ELF5: variants seen among roughly 807,000 people sequenced by gnomAD.
The protein encoded by ELF5 is ETS-related transcription factor Elf-5.
In ELF5, 31 loss-of-function variants were observed where a neutral mutation model predicts 38.2. The observed-to-expected ratio is 0.81, with a 90% CI of 0.61 to 1.10. ELF5 has a LOEUF of 1.10. Among genes scored for constraint, ELF5 ranks in the 50% least tolerant of loss-of-function variants. The pLI is 0.00. For synonymous variants in ELF5, 121 were observed against 112.5 expected, an observed-to-expected ratio of 1.08 and a Z score of -0.48; for missense variants, 300 against 306.6, an observed-to-expected ratio of 0.98 and a Z score of 0.16.
intron 3 of ELF5, 112 bp downstream of exon 3, chr11:34,493,367 T>A (rs1850226203): frequency 1.0e-6 from 1 of 1,003,486 alleles, no homozygotes; most frequent in African/African-American, 1.6e-5. Context: ...TAACGAGAAC[T>A]CCAGTTAGTA....
intron 2 of ELF5, among the ~76,000 whole-genome samples, chr11:34,500,132 A>G (rs527629060): frequency 1.1e-4 from 16 of 152,310 alleles, no homozygotes; most frequent in Middle Eastern, 3.4e-3. Context: ...CTGAGGAAAA[A>G]CTACAGTAAA....
At chr11:34,489,979 G>T in intron 4 of ELF5, 30 bp downstream of exon 4, 1 of 1,613,244 alleles carries the variant, frequency 6.2e-7, no homozygotes, top group Non-Finnish European at 8.5e-7. Context: ...CCTTGACAGA[G>T]CCTTGGGTGG....
intron 5 of ELF5, among the ~76,000 whole-genome samples, chr11:34,481,795 A>G (rs1856948879): frequency 6.6e-6 from 1 of 152,166 alleles, no homozygotes; most frequent in Non-Finnish European, 1.5e-5. Context: ...TATAACCATA[A>G]ACTTTTAGGG....
chr11:34,501,692 A>G (rs1042380247), intron 2 of ELF5, among the ~76,000 whole-genome samples: 1 of 152,062 alleles, frequency 6.6e-6, no homozygotes, highest in Non-Finnish European at 1.5e-5. Flanking sequence ...GTATTTTGCA[A>G]TCTGGACTGT....
At chr11:34,494,417 T>A (rs1850264207) in intron 2 of ELF5, among the ~76,000 whole-genome samples, 1 of 152,218 alleles carries the variant, frequency 6.6e-6, no homozygotes, top group Non-Finnish European at 1.5e-5. Context: ...AGTCCTTGCG[T>A]CACCATAGTA....
At chr11:34,504,412 T>C (rs377301863) in intron 2 of ELF5, among the ~76,000 whole-genome samples, 2 of 152,118 alleles carry the variant, frequency 1.3e-5, no homozygotes, top group South Asian at 4.2e-4. Flanking sequence ...TGTGTGTGTG[T>C]GCACGCGTGT....
intron 4 of ELF5, among the ~76,000 whole-genome samples, chr11:34,486,560 A>G (rs1850001423): frequency 6.6e-6 from 1 of 152,222 alleles, no homozygotes; most frequent in Non-Finnish European, 1.5e-5. Context: ...ATGTGTGCCT[A>G]TGTGAATATG....
In ELF5 at chr11:34,491,583, T is replaced by G. The variant is rs567008443; in HGVS notation, c.356-1524A>C. The G allele has an allele frequency of 5.9e-5, 9 of 151,858 alleles. No homozygotes were observed. In the East Asian group the frequency reaches 1.5e-3, roughly 26 times the overall value. 9.4% of individuals were successfully genotyped at this position (151,858 alleles called of 1,614,324 possible). A position where few individuals can be genotyped will look rare whatever the true frequency, so the allele number is the denominator to read the frequency against. On this transcript the variant is annotated intron_variant, in intron 3 of 6. Transcript: ENST00000257832. ...TAATAAAACCAGGGACAGGTTTGTT[T>G]TTTTTTTTTTTTTCAGGATTTTGCT... is the stretch of plus-strand genomic sequence containing the variant.
chr11:34,504,981 C>T (rs1405317023), intron 2 of ELF5, among the ~76,000 whole-genome samples: 1 of 152,142 alleles, frequency 6.6e-6, no homozygotes, highest in African/African-American at 2.4e-5. Flanking sequence ...TAGTAGCTCT[C>T]ATCACCCCTG....
chr11:34,488,373 G>GAC (rs1850065571), intron 4 of ELF5, among the ~76,000 whole-genome samples: 2 of 152,208 alleles, frequency 1.3e-5, no homozygotes, highest in African/African-American at 4.8e-5. Flanking sequence ...TTTAGATTTA[G>GAC]ACACACCTGG....
intron 5 of ELF5, among the ~76,000 whole-genome samples, chr11:34,481,984 C>T (rs1324672123): frequency 7.2e-5 from 11 of 152,284 alleles, no homozygotes; most frequent in Admixed American, 5.2e-4. Flanking sequence ...TCTCTTAGTG[C>T]TGGGGAAGCT....
intron 2 of ELF5, among the ~76,000 whole-genome samples, chr11:34,496,253 C>T (rs867913278): frequency 1.3e-5 from 2 of 152,220 alleles, no homozygotes; most frequent in African/African-American, 4.8e-5. Context: ...ACCCACAGAG[C>T]GGCTTTGTGT....
chr11:34,490,178 AT>A, intron 3 of ELF5, 119 bp from the exon 4 acceptor site: 1 of 1,082,332 alleles, frequency 9.2e-7, no homozygotes, highest in Non-Finnish European at 1.4e-6. Context: ...GTTGGTTACA[AT>A]TTAGAGGGAA....
At chr11:34,485,906 T>C (rs1190622133) in intron 4 of ELF5, among the ~76,000 whole-genome samples, 1 of 151,944 alleles carries the variant, frequency 6.6e-6, no homozygotes, top group African/African-American at 2.4e-5. Flanking sequence ...TGTTTCAGGG[T>C]GCAGCTCTCC....
At chr11:34,490,801 G>C (rs991512058) in intron 3 of ELF5, among the ~76,000 whole-genome samples, 1 of 152,178 alleles carries the variant, frequency 6.6e-6, no homozygotes, top group African/African-American at 2.4e-5. Flanking sequence ...GCAGGGCACA[G>C]TTGTGATTTT....
chr11:34,512,601 C>A (rs1174614966), intron 1 of ELF5, among the ~76,000 whole-genome samples: 1 of 143,240 alleles, frequency 7.0e-6, no homozygotes, highest in African/African-American at 2.7e-5. Context: ...TTTTTTAAAT[C>A]ATGCAATCCG....
At chr11:34,508,069 T>C (rs1850652685) in intron 1 of ELF5, among the ~76,000 whole-genome samples, 1 of 152,220 alleles carries the variant, frequency 6.6e-6, no homozygotes, top group South Asian at 2.1e-4. Flanking sequence ...AAAGTCAGGA[T>C]TTTTTAAACA....
At chr11:34,489,601 G>A (rs1850106851) in intron 4 of ELF5, among the ~76,000 whole-genome samples, 1 of 152,168 alleles carries the variant, frequency 6.6e-6, no homozygotes, top group South Asian at 2.1e-4. Context: ...TGCTTAGTGA[G>A]CTCAGAGTCT....
intron 2 of ELF5, among the ~76,000 whole-genome samples, chr11:34,499,555 T>C (rs1385600572): frequency 6.6e-6 from 1 of 152,214 alleles, no homozygotes; most frequent in African/African-American, 2.4e-5. Flanking sequence ...GATTTTTATA[T>C]TACAACAAAA....
Sources: gnomAD v4.1 joint callset for allele counts (sites outside exome capture counted in the v4.1 genomes callset) on GRCh38, gnomAD v4.1.1 for gene constraint, MANE v1.5 for transcripts, NCBI Gene and HGNC (gene_info 2026-07-23, HGNC 2026-07-21) for gene names.